The following DMTF1 variants were observed in gnomAD, a reference collection of about 807,000 sequenced individuals.
DMTF1 encodes the protein cyclin-D-binding Myb-like transcription factor 1.
A neutral mutation model predicts 91.1 loss-of-function variants in DMTF1; 39 were observed. The observed-to-expected ratio is 0.43, with a 90% CI of 0.33 to 0.56. The LOEUF (loss-of-function observed/expected upper bound fraction) is 0.56. Among genes scored for constraint, DMTF1 ranks in the 20% least tolerant of loss-of-function variants. The pLI, the probability that DMTF1 is intolerant of heterozygous loss-of-function variation, is 0.05. For synonymous variants in DMTF1, 338 were observed against 309.5 expected, an observed-to-expected ratio of 1.09 and a Z score of -0.97; for missense variants, 750 against 914.5, an observed-to-expected ratio of 0.82 and a Z score of 2.32.
intron 12 of DMTF1, chr7:87,186,251 C>T (rs983521439): frequency 3.9e-5 from 15 of 383,162 alleles, no homozygotes; most frequent in Admixed American, 2.1e-4. Context: ...TGCCACATAA[C>T]GATTTAATTT....
chr7:87,182,086 T>C (rs1388590572), intron 9 of DMTF1, 142 bp from the exon 10 acceptor site: 1 of 1,540,838 alleles, frequency 6.5e-7, no homozygotes, highest in African/African-American at 1.4e-5. Context: ...AAGGCCACAC[T>C]TTCAAACTTT....
chr7:87,187,629 GCAAGAATAC>G (rs1798752913), intron 12 of DMTF1: 1 of 160,860 alleles, frequency 6.2e-6, no homozygotes, highest in Admixed American at 6.0e-5. Flanking sequence ...GCTTCCCTGC[GCAAGAATAC>G]CATATTACTG....
chr7:87,186,348 C>G, intron 12 of DMTF1: 1 of 173,546 alleles, frequency 5.8e-6, no homozygotes, highest in Non-Finnish European at 1.2e-5. Flanking sequence ...TTAAACCTGT[C>G]GGCTCAAGTG....
At chr7:87,181,924 TG>T in intron 9 of DMTF1, 1 of 999,932 alleles carries the variant, frequency 1.0e-6, no homozygotes, top group Non-Finnish European at 1.4e-6. Context: ...AGGGAAAGTC[TG>T]GGGCTTGCCT....
chr7:87,159,027 T>G (rs1031716055), intron 1 of DMTF1, among the ~76,000 whole-genome samples: 2 of 152,126 alleles, frequency 1.3e-5, no homozygotes, highest in African/African-American at 4.8e-5. Context: ...AAAACAAGAT[T>G]ATGAGATACA....
intron 10 of DMTF1, among the ~76,000 whole-genome samples, chr7:87,182,781 A>T (rs1366440705): frequency 6.6e-6 from 1 of 152,248 alleles, no homozygotes; most frequent in Non-Finnish European, 1.5e-5. Context: ...TGTTCCAAAG[A>T]TTTGTAAATA....
intron 4 of DMTF1, among the ~76,000 whole-genome samples, chr7:87,167,843 A>G (rs1794191703): frequency 6.6e-6 from 1 of 152,210 alleles, no homozygotes; most frequent in Non-Finnish European, 1.5e-5. Flanking sequence ...GCCTATCTAT[A>G]CAGATGTAAT....
intron 3 of DMTF1, among the ~76,000 whole-genome samples, chr7:87,166,052 G>T (rs1044209798): frequency 1.3e-5 from 2 of 152,120 alleles, no homozygotes; most frequent in African/African-American, 4.8e-5. Context: ...TATAGTACAG[G>T]TTCTTTAATT....
chr7:87,156,938 C>G (rs1026953728), intron 1 of DMTF1, among the ~76,000 whole-genome samples: 1 of 152,044 alleles, frequency 6.6e-6, no homozygotes, highest in Admixed American at 6.6e-5. Context: ...TCTATGTGCT[C>G]ATTCAAAATG....
chr7:87,154,065 T>A (rs934388156), intron 1 of DMTF1, among the ~76,000 whole-genome samples: 1 of 152,236 alleles, frequency 6.6e-6, no homozygotes, highest in Non-Finnish European at 1.5e-5. Context: ...CTTTTTGCTC[T>A]TATGGTGTAC....
At chr7:87,157,897 G>A (rs573707296) in intron 1 of DMTF1, among the ~76,000 whole-genome samples, 1 of 151,620 alleles carries the variant, frequency 6.6e-6, no homozygotes, top group South Asian at 2.1e-4. Flanking sequence ...TTGACAACAT[G>A]TACAAACCTG....
intron 3 of DMTF1, among the ~76,000 whole-genome samples, chr7:87,166,247 C>T (rs902254750): frequency 1.9e-4 from 29 of 152,304 alleles, no homozygotes; most frequent in African/African-American, 5.5e-4. Flanking sequence ...CAGTTTTCCC[C>T]GGGCTTCCCT....
chr7:87,182,993 TGTAAA>T (rs146326580), intron 10 of DMTF1, among the ~76,000 whole-genome samples: 7,033 of 152,264 alleles, frequency 0.046, 185 homozygotes, highest in Middle Eastern at 0.071. Context: ...CACTTCCTTC[TGTAAA>T]GTAAAGAGAT....
intron 1 of DMTF1, among the ~76,000 whole-genome samples, chr7:87,153,948 TTA>T (rs983946776): frequency 6.6e-6 from 1 of 152,202 alleles, no homozygotes; most frequent in Admixed American, 6.5e-5. Context: ...GGTTTTGAAA[TTA>T]TATTTCAAAT....
chr7:87,174,859 A>G (rs1795899407), intron 7 of DMTF1, among the ~76,000 whole-genome samples, 190 bp downstream of exon 7: 2 of 152,190 alleles, frequency 1.3e-5, no homozygotes, highest in African/African-American at 4.8e-5. Context: ...TTGAATTCTC[A>G]GTTTAAAATA....
At chr7:87,194,466 G>T in intron 16 of DMTF1, 1 of 494,462 alleles carries the variant, frequency 2.0e-6, no homozygotes, top group Non-Finnish European at 3.5e-6. Flanking sequence ...GTTATATTCA[G>T]CTGACCTATA....
intron 7 of DMTF1, among the ~76,000 whole-genome samples, chr7:87,177,007 C>T (rs962798227): frequency 7.9e-5 from 12 of 152,090 alleles, no homozygotes; most frequent in African/African-American, 2.7e-4. Flanking sequence ...TGTAGTAGCT[C>T]AGTAAATATT....
chr7:87,172,292 A>G (rs1795248949), intron 5 of DMTF1, among the ~76,000 whole-genome samples: 1 of 152,202 alleles, frequency 6.6e-6, no homozygotes, highest in South Asian at 2.1e-4. Flanking sequence ...ATCAAAAAGT[A>G]TGACATGTAA....
At chr7:87,163,984 A>G (rs1275136092) in intron 2 of DMTF1, among the ~76,000 whole-genome samples, 1 of 144,100 alleles carries the variant, frequency 6.9e-6, no homozygotes, top group African/African-American at 2.6e-5. Flanking sequence ...TCAAGGCTCT[A>G]GGACCCTTAA....
Sources: allele counts gnomAD v4.1 joint callset (sites outside exome capture counted in the v4.1 genomes callset), GRCh38; gene constraint gnomAD v4.1.1; transcripts MANE v1.5; gene names NCBI Gene and HGNC (gene_info 2026-07-23, HGNC 2026-07-21).